Variants in EXOC6B observed in about 807,000 individuals in gnomAD.
EXOC6B encodes SEC15 homolog B.
In EXOC6B, 54 loss-of-function variants were observed where a neutral mutation model predicts 113.5. That is an observed-to-expected ratio of 0.48 (90% CI 0.38 to 0.60). The LOEUF (loss-of-function observed/expected upper bound fraction) is 0.60. Ranked by LOEUF, EXOC6B falls within the 20% of genes least tolerant of loss-of-function variation. The probability of loss-of-function intolerance (pLI) is 0.00; values close to 1 mark genes in which losing one functional copy is unlikely to be tolerated. For synonymous variants in EXOC6B, 357 were observed against 339.0 expected (o/e 1.05, Z -0.58); for missense variants, 797 against 977.5 (o/e 0.82, Z 2.46).
intron 20 of EXOC6B, chr2:72,288,869 T>C (rs775164356): frequency 2.3e-5 from 5 of 217,594 alleles, no homozygotes; most frequent in Non-Finnish European, 2.8e-5. Flanking sequence ...CATGGTTACA[T>C]TGGTGAATTT....
chr2:72,401,622 CATATATATATATAT>C (rs1364126956), intron 18 of EXOC6B, among the ~76,000 whole-genome samples: 3 of 14,492 alleles, frequency 2.1e-4, no homozygotes, highest in Non-Finnish European at 2.5e-4. Flanking sequence ...TATATATATA[CATATATATATATAT>C]ACATATATAC....
chr2:72,589,044 C>A (rs1050803630), intron 6 of EXOC6B, among the ~76,000 whole-genome samples: 36 of 151,678 alleles, frequency 2.4e-4, no homozygotes, highest in Admixed American at 1.2e-3. Context: ...GGCAGTGACG[C>A]CAAGAAGAAA....
Position 72,826,027 on chromosome 2 carries a change from G to A in EXOC6B, c.-117C>T. 1 of 1,471,566 alleles carries A rather than the reference G, an allele frequency of 6.8e-7. No individual in the cohort carries two copies. Among genetic ancestry groups the A allele is most frequent in the Non-Finnish European group, 9.0e-7 (1 of 1,107,682 alleles). 91.2% of individuals were successfully genotyped at this position (1,471,566 alleles called of 1,614,324 possible). A position where few individuals can be genotyped will look rare whatever the true frequency, so the allele number is the denominator to read the frequency against. ...CCGCCCCAGCCTCTGGCTACCCGCA[G>A]GCCGACCCCTCCCTCAGGCTCGACA... On this transcript the variant is annotated 5_prime_UTR_variant, in exon 1 of 22. Transcript: ENST00000272427.
intron 8 of EXOC6B, among the ~76,000 whole-genome samples, chr2:72,558,571 A>C (rs1213468872): frequency 1.3e-5 from 2 of 152,140 alleles, no homozygotes; most frequent in Non-Finnish European, 2.9e-5. Flanking sequence ...GGAGTTCAAG[A>C]CCAGCCTGAC....
intron 6 of EXOC6B, among the ~76,000 whole-genome samples, chr2:72,648,333 G>A (rs1247528059): frequency 2.0e-5 from 3 of 152,192 alleles, no homozygotes; most frequent in African/African-American, 4.8e-5. Flanking sequence ...CCGTTGGTGG[G>A]AGTATAAATT....
At chr2:72,665,864 T>G (rs1226331366) in intron 6 of EXOC6B, among the ~76,000 whole-genome samples, 1 of 151,966 alleles carries the variant, frequency 6.6e-6, no homozygotes, top group Admixed American at 6.6e-5. Flanking sequence ...ATATAAACAG[T>G]CTAAATACCC....
rs1165067980 is a variant in EXOC6B, at chr2:72,178,728, C to A, written c.*607G>T. On this transcript the variant is annotated 3_prime_UTR_variant, in exon 22 of 22. Transcript: ENST00000272427. ...AATAAAAGCCTGGGGTTAGATCAGG[C>A]TAAAGAAACCGCCATTCTTGGGGGA... The A allele has an allele frequency of 6.6e-6, 1 of 152,258 alleles. No homozygotes were observed. The highest frequency in any genetic ancestry group is 1.5e-5 in the Non-Finnish European group (1 of 68,108). The allele number at this position is 152,258 out of a possible 1,614,324, so 9.4% of individuals were successfully genotyped here.
chr2:72,766,956 G>GA (rs971595036), intron 1 of EXOC6B, among the ~76,000 whole-genome samples: 2,316 of 56,912 alleles, frequency 0.041, 73 homozygotes, highest in African/African-American at 0.11. Context: ...TGTCTCAAAA[G>GA]AAAAAAAAAA....
intron 20 of EXOC6B, among the ~76,000 whole-genome samples, chr2:72,226,800 T>C (rs1681271283): frequency 6.6e-6 from 1 of 152,224 alleles, no homozygotes; most frequent in African/African-American, 2.4e-5. Flanking sequence ...CATCAGTGAA[T>C]TGGTTTTCAA....
intron 18 of EXOC6B, among the ~76,000 whole-genome samples, chr2:72,417,789 T>A (rs908723551): frequency 2.0e-5 from 3 of 152,176 alleles, no homozygotes; most frequent in East Asian, 3.8e-4. Context: ...ATATTTGCCT[T>A]AAGTTCTATT....
chr2:72,223,818 C>T (rs1681030417), intron 20 of EXOC6B, among the ~76,000 whole-genome samples: 1 of 152,082 alleles, frequency 6.6e-6, no homozygotes, highest in African/African-American at 2.4e-5. Flanking sequence ...ATTGTGGAGC[C>T]TAGGAATTCA....
At chr2:72,665,125 G>A (rs949412932) in intron 6 of EXOC6B, among the ~76,000 whole-genome samples, 8 of 152,242 alleles carry the variant, frequency 5.3e-5, no homozygotes, top group East Asian at 3.9e-4. Flanking sequence ...TTTGCCAGCC[G>A]CAGCCTCTGA....
At chr2:72,679,046 C>T (rs1393051801) in intron 6 of EXOC6B, among the ~76,000 whole-genome samples, 1 of 152,052 alleles carries the variant, frequency 6.6e-6, no homozygotes, top group Non-Finnish European at 1.5e-5. Context: ...GAAATACATG[C>T]AGATAAACAC....
chr2:72,236,273 C>T (rs1258110693), intron 20 of EXOC6B, among the ~76,000 whole-genome samples: 1 of 152,088 alleles, frequency 6.6e-6, no homozygotes, highest in Non-Finnish European at 1.5e-5. Context: ...GAGAATAGGG[C>T]AGTAATATTG....
intron 21 of EXOC6B, among the ~76,000 whole-genome samples, chr2:72,179,873 C>G (rs1238172498): frequency 6.6e-6 from 1 of 152,166 alleles, no homozygotes; most frequent in African/African-American, 2.4e-5. Context: ...CTGATAGGAC[C>G]TTTGAGATAA....
intron 5 of EXOC6B, among the ~76,000 whole-genome samples, chr2:72,726,219 G>A (rs772006170): frequency 1.3e-5 from 2 of 152,100 alleles, no homozygotes; most frequent in Non-Finnish European, 2.9e-5. Context: ...TGGTTGCCAG[G>A]GCAGCGAGGA....
chr2:72,659,556 T>C (rs1452092528), intron 6 of EXOC6B, among the ~76,000 whole-genome samples: 2 of 152,168 alleles, frequency 1.3e-5, no homozygotes, highest in Non-Finnish European at 1.5e-5. Context: ...CAGGCTTCTA[T>C]GAGGGTTTTG....
intron 20 of EXOC6B, among the ~76,000 whole-genome samples, chr2:72,189,860 C>CTTTCTTT (rs1553462592): frequency 2.4e-4 from 21 of 87,210 alleles, no homozygotes; most frequent in African/African-American, 1.3e-3. Flanking sequence ...CCTTCTTCTT[C>CTTTCTTT]TTTTTTTTTT....
rs75316133 is a variant in EXOC6B at position 72,361,299 on chromosome 2, G to A, written c.2122+18430C>T. Among the ~76,000 whole-genome samples, 814 of 152,246 alleles carry A rather than the reference G, an allele frequency of 5.3e-3. 6 individuals carry two copies. Among genetic ancestry groups the A allele is most frequent in the African/African-American group, 0.019 (790 of 41,544 alleles). On this transcript the variant is annotated intron_variant, in intron 19 of 21. Transcript: ENST00000272427. ...CACTGGAGAAGCTTGATTTAATGTA[G>A]TAACTAGTAGTTACTTTCACAGTTT...
Sources: gnomAD v4.1 joint callset for allele counts (sites outside exome capture counted in the v4.1 genomes callset) on GRCh38, gnomAD v4.1.1 for gene constraint, MANE v1.5 for transcripts, NCBI Gene and HGNC (gene_info 2026-07-23, HGNC 2026-07-21) for gene names.